The following LRRC7 variants were observed in gnomAD, a reference collection of about 807,000 sequenced individuals.
The protein encoded by LRRC7 is leucine-rich repeat-containing protein 7.
A neutral mutation model predicts 175.7 loss-of-function variants in LRRC7; 23 were observed. That is an observed-to-expected ratio of 0.13 (90% CI 0.09 to 0.19). The LOEUF (loss-of-function observed/expected upper bound fraction) is 0.19, where lower values mean the gene tolerates loss of function less well. LRRC7 is among the 10% of genes least tolerant of loss of function. The probability of loss-of-function intolerance (pLI) is 1.00; values close to 1 mark genes in which losing one functional copy is unlikely to be tolerated. For synonymous variants in LRRC7, 685 were observed against 680.9 expected (o/e 1.01, Z -0.09); for missense variants, 1,354 against 1,904.7 (o/e 0.71, Z 5.38).
chr1:70,018,611 T>C (rs756164875), intron 14 of LRRC7, 108 bp from the exon 15 acceptor site: 2 of 555,304 alleles, frequency 3.6e-6, no homozygotes, highest in Non-Finnish European at 6.1e-6. Context: ...ATTTTATTTC[T>C]TTTTTCACTT....
At chr1:69,614,178 G>C (rs1009911901) in intron 1 of LRRC7, among the ~76,000 whole-genome samples, 3 of 151,790 alleles carry the variant, frequency 2.0e-5, no homozygotes, top group African/African-American at 7.3e-5. Context: ...ACTCTTCATT[G>C]AAAAATTTTA....
At chr1:69,639,261 T>A (rs1653843326) in intron 1 of LRRC7, among the ~76,000 whole-genome samples, 1 of 151,886 alleles carries the variant, frequency 6.6e-6, no homozygotes, top group Non-Finnish European at 1.5e-5. Context: ...TCAGCCACAA[T>A]AACCAAATGG....
At position 70,045,166 on chromosome 1, in the gene LRRC7, C is replaced by A. The variant is rs6696934; in HGVS notation, c.4110+1072C>A. Among the ~76,000 whole-genome samples the A allele has an allele frequency of 3.5e-3, 534 of 151,372 alleles. 7 individuals are homozygous for A. Among genetic ancestry groups the A allele is most frequent in the African/African-American group, 0.013 (516 of 41,226 alleles). On this transcript the variant is annotated intron_variant, in intron 22 of 26. Coordinates refer to ENST00000651989, the MANE Select transcript of LRRC7 (RefSeq NM_001370785.2). The stretch of plus-strand genomic sequence containing the variant: ...TAGCCACAGCTTTTTTATCACTCAC[C>A]GTAACTTTAAAAAAAAAAACACTAA...
chr1:70,137,346 G>A lies in LRRC7; in HGVS notation c.*15459G>A, dbSNP rs1666912134. Among the ~76,000 whole-genome samples, 1 of 152,134 alleles carries A rather than the reference G, an allele frequency of 6.6e-6. No homozygotes were observed. On this transcript the variant is annotated 3_prime_UTR_variant, in exon 27 of 27. Transcript: ENST00000651989. ...CTTCATCTTAAGGCTTGATAACAAA[G>A]GCTTACTGTTCCACTTAAAGGGATC...
intron 3 of LRRC7, among the ~76,000 whole-genome samples, chr1:69,761,846 T>C (rs1671071556): frequency 6.6e-6 from 1 of 151,966 alleles, no homozygotes; most frequent in South Asian, 2.1e-4. Context: ...TGCAGAGAAC[T>C]TCATATGCCA....
intron 24 of LRRC7, among the ~76,000 whole-genome samples, chr1:70,083,054 G>A (rs866083716): frequency 4.6e-5 from 7 of 151,696 alleles, no homozygotes; most frequent in Middle Eastern, 3.4e-3. Context: ...CAAAGCTCTG[G>A]GATTACAGGC....
chr1:70,052,965 C>T, intron 22 of LRRC7, 61 bp from the exon 23 acceptor site: 1 of 1,468,340 alleles, frequency 6.8e-7, no homozygotes, highest in Middle Eastern at 1.8e-4. Flanking sequence ...GGACTCTTTT[C>T]AGAAAACTAT....
chr1:69,814,781 G>A (rs1392827479), intron 4 of LRRC7, among the ~76,000 whole-genome samples: 2 of 152,050 alleles, frequency 1.3e-5, no homozygotes, highest in Non-Finnish European at 2.9e-5. Flanking sequence ...TTCTAAATGT[G>A]TTCCAAGAAA....
chr1:70,040,481 T>C (rs1321291295), intron 21 of LRRC7, among the ~76,000 whole-genome samples: 2 of 152,144 alleles, frequency 1.3e-5, no homozygotes, highest in Non-Finnish European at 2.9e-5. Flanking sequence ...AAAATTAGTA[T>C]GTATATTGCA....
chr1:69,962,437 C>A (rs2101847197), intron 8 of LRRC7, among the ~76,000 whole-genome samples: 1 of 152,190 alleles, frequency 6.6e-6, no homozygotes, highest in South Asian at 2.1e-4. Context: ...CCTCAAAGAC[C>A]TAAAGAAAGA....
At chr1:69,721,331 A>C (rs1291255814) in intron 2 of LRRC7, among the ~76,000 whole-genome samples, 4 of 151,922 alleles carry the variant, frequency 2.6e-5, no homozygotes, top group Admixed American at 2.0e-4. Context: ...TTATAGTATA[A>C]TACGGAATAG....
intron 1 of LRRC7, among the ~76,000 whole-genome samples, chr1:69,641,465 T>C (rs576291113): frequency 1.3e-5 from 2 of 151,642 alleles, no homozygotes; most frequent in Middle Eastern, 3.4e-3. Flanking sequence ...AACATTAGCT[T>C]TAAGAAATAA....
intron 8 of LRRC7, among the ~76,000 whole-genome samples, chr1:69,937,393 G>C (rs960748378): frequency 6.6e-6 from 1 of 151,890 alleles, no homozygotes; most frequent in African/African-American, 2.4e-5. Context: ...AATTCTATGG[G>C]CTGTTTTGTC....
chr1:69,670,464 G>T (rs1249748559), intron 1 of LRRC7, among the ~76,000 whole-genome samples: 3 of 152,148 alleles, frequency 2.0e-5, no homozygotes, highest in Non-Finnish European at 4.4e-5. Context: ...CACTGGATCA[G>T]ACCTAAAGCC....
intron 10 of LRRC7, among the ~76,000 whole-genome samples, chr1:69,991,155 CAAAA>C (rs10709966): frequency 7.4e-6 from 1 of 135,422 alleles, no homozygotes; most frequent in Admixed American, 7.3e-5. Context: ...GACCTTTTAT[CAAAA>C]AAAAAAAAAA....
intron 2 of LRRC7, among the ~76,000 whole-genome samples, chr1:69,710,278 CAAAAA>C (rs77553066): frequency 3.4e-5 from 3 of 87,212 alleles, no homozygotes; most frequent in African/African-American, 1.4e-4. Flanking sequence ...GACTCCGTCT[CAAAAA>C]AAAAAAAAAA....
chr1:69,806,902 T>C (rs751971174), intron 4 of LRRC7, among the ~76,000 whole-genome samples: 1 of 152,022 alleles, frequency 6.6e-6, no homozygotes, highest in African/African-American at 2.4e-5. Flanking sequence ...TTCAGGCTGA[T>C]ACTCAGACAA....
At chr1:69,581,889 G>A (rs1646216549) in intron 1 of LRRC7, among the ~76,000 whole-genome samples, 1 of 152,136 alleles carries the variant, frequency 6.6e-6, no homozygotes, top group African/African-American at 2.4e-5. Flanking sequence ...GGATTCCTAA[G>A]ATGAGTAGAA....
intron 2 of LRRC7, among the ~76,000 whole-genome samples, chr1:69,685,123 A>C (rs1223314776): frequency 2.0e-5 from 3 of 152,204 alleles, no homozygotes; most frequent in Non-Finnish European, 4.4e-5. Context: ...AAGCCCCGAC[A>C]GTGCCAGAAG....
Sources: gnomAD v4.1 joint callset for allele counts (sites outside exome capture counted in the v4.1 genomes callset) on GRCh38, gnomAD v4.1.1 for gene constraint, MANE v1.5 for transcripts, NCBI Gene and HGNC (gene_info 2026-07-23, HGNC 2026-07-21) for gene names.